PLEKHG2: variants seen among roughly 807,000 people sequenced by gnomAD.
The protein encoded by PLEKHG2 is pleckstrin homology and RhoGEF domain containing G2.
A neutral mutation model predicts 104.4 loss-of-function variants in PLEKHG2; 71 were observed. The ratio of observed to expected loss-of-function variants is 0.68; its 90% CI spans 0.56 to 0.83. PLEKHG2 has a LOEUF of 0.83. PLEKHG2 is among the 40% of genes least tolerant of loss of function. The pLI, the probability that PLEKHG2 is intolerant of heterozygous loss-of-function variation, is 0.00. For missense variants in PLEKHG2, 1,730 were observed against 1,809.4 expected (o/e 0.96, Z 0.80); for synonymous variants, 728 against 737.0 (o/e 0.99, Z 0.20).
At chr19:39,418,706 A>C in intron 9 of PLEKHG2, 28 bp from the exon 10 acceptor site, 1 of 1,586,942 alleles carries the variant, frequency 6.3e-7, no homozygotes. Flanking sequence ...AAGGACTCTG[A>C]GCTTGCTACC....
chr19:39,419,242 T>C (rs1162851454), intron 11 of PLEKHG2, among the ~76,000 whole-genome samples: 1 of 152,212 alleles, frequency 6.6e-6, no homozygotes. Flanking sequence ...TGAAAGCGCC[T>C]TCATCCTAGG....
Position 39,421,105 on chromosome 19 carries a change from C to T in PLEKHG2, c.1478C>T (p.Pro493Leu), listed in dbSNP as rs2078692985. 5.0e-6 allele frequency: 8 copies of T among 1,613,870 alleles called. No homozygotes were observed. The highest frequency in any genetic ancestry group is 2.2e-5 in the South Asian group (2 of 91,078). ...GTGAAGGACCCTTATGTCATGTTCC[C>T]ACAGAACGGTCAGTGACTGCCCCGG... ...EPVKDPYVMF[P>L]QNAKPGFKHA... is the part of the protein sequence containing the mutation. Residue 493 changes from proline to leucine, a missense_variant, in exon 15 of 19, where the codon CCA becomes CTA. Physicochemically the swap from Pro to Leu is moderately conservative, Grantham distance 98 (BLOSUM62 -3). Transcript: ENST00000425673.
In PLEKHG2 at chr19:39,422,885, C is replaced by G; in HGVS notation, c.1831C>G (p.Pro611Ala). Residue 611 changes from proline (P) to alanine (A), a missense_variant, in exon 18 of 19, where the codon CCA (proline) becomes GCA (alanine). Physicochemically the swap from Pro to Ala is conservative, Grantham distance 27. Coordinates refer to ENST00000425673, the MANE Select transcript of PLEKHG2 (RefSeq NM_022835.3). Reference protein sequence around the residue: ...GLEMDERGPSPLHVLEGLESS... With the variant: ...GLEMDERGPSALHVLEGLESS... ...GGAGATGGATGAACGGGGGCCTTCC[C>G]CACTCCACGTCCTGGAAGGGCTCGA... The G allele has an allele frequency of 1.3e-6, 2 of 1,589,950 alleles. No individual in the cohort carries two copies. The highest frequency in any genetic ancestry group is 1.7e-6 in the Non-Finnish European group (2 of 1,166,310).
chr19:39,415,303 G>C lies in PLEKHG2; in HGVS notation c.379-36G>C. The C allele has an allele frequency of 6.2e-7, 1 of 1,609,212 alleles. No homozygotes were observed. The highest frequency in any genetic ancestry group is 8.5e-7 in the Non-Finnish European group (1 of 1,177,472). ...CAGAGGGCAGTGGGTACCCAGGCCA[G>C]CCCCTTGGCCCCCATAACCCCAGTC... On this transcript the variant is annotated intron_variant, in intron 3 of 18. Transcript: ENST00000425673. This position sits in a 1 kb window ranked among gnomAD's most constrained non-coding sequence, Gnocchi z 4.6.
chr19:39,418,123 G>T lies in PLEKHG2; in HGVS notation c.1083+18G>T. 1 of 1,490,936 alleles carries T rather than the reference G, an allele frequency of 6.7e-7. No homozygotes were observed. Among genetic ancestry groups the T allele is most frequent in the South Asian group, 1.4e-5 (1 of 71,832 alleles). The allele number at this position is 1,490,936 out of a possible 1,614,324, so 92.4% of individuals were successfully genotyped here. On this transcript the variant is annotated intron_variant, in intron 9 of 18. Transcript: ENST00000425673. The stretch of plus-strand genomic sequence containing the variant: ...ACATCTTCGTGAGTTTGGGGATGGG[G>T]TGGGGCTAGAATACTACCTACAAAG...
At position 39,424,916 on chromosome 19, in the gene PLEKHG2, T is replaced by TC; in HGVS notation, c.3788dup (p.Pro1264ThrfsTer77). 1 of 1,613,972 alleles carries TC rather than the reference T, an allele frequency of 6.2e-7. No individual in the cohort carries two copies. Among genetic ancestry groups the TC allele is most frequent in the Non-Finnish European group, 8.5e-7 (1 of 1,179,962 alleles). ...CTTCAGACTTGACGCCACCTCATAG[T>TC]CCCCCACCTTCCAGCCGTCAGCTCC... On this transcript the variant is annotated frameshift_variant, in exon 19 of 19. Transcript: ENST00000425673. LOFTEE classifies it high-confidence loss of function.
In PLEKHG2 at chr19:39,418,628, T is replaced by C. The variant is rs536337789; in HGVS notation, c.1084-106T>C. The C allele has an allele frequency of 7.8e-5, 64 of 823,886 alleles. No homozygotes were observed. The South Asian group carries it at 1.0e-3, about 13-fold the overall frequency. The allele number at this position is 823,886 out of a possible 1,614,324, so 51.0% of individuals were successfully genotyped here. On this transcript the variant is annotated intron_variant, in intron 9 of 18. Coordinates refer to ENST00000425673, the MANE Select transcript of PLEKHG2 (RefSeq NM_022835.3). ...CCACCATACAGCCTTATGGGATGCATCTTCCTAGGGAGGAGGACCCAGATA... is the reference window on the plus strand; with the variant it reads ...CCACCATACAGCCTTATGGGATGCACCTTCCTAGGGAGGAGGACCCAGATA...
rs146632314 is a variant in PLEKHG2 at position 39,415,400 on chromosome 19, C to T, written c.440C>T (p.Thr147Met). 5.2e-4 allele frequency: 833 copies of T among 1,614,086 alleles called. 4 individuals are homozygous for T. In the East Asian group the frequency reaches 0.016, roughly 31 times the overall value. The change falls in exon 4 of 19, where the codon ACG (threonine) becomes ATG (methionine). Residue 147 changes from threonine to methionine, a missense_variant. Coordinates refer to ENST00000425673, the MANE Select transcript of PLEKHG2 (RefSeq NM_022835.3). This position sits in a 1 kb window ranked among gnomAD's most constrained non-coding sequence, Gnocchi z 4.6. ...VLGLSVEQVG[T>M]LFANIEDIYE... is the part of the protein sequence containing the mutation. ...GGGCTGAGCGTGGAGCAGGTGGGCA[C>T]GCTGTTTGCCAACATTGAGGACATC...
Position 39,416,200 on chromosome 19 carries a change from T to G in PLEKHG2, c.480-148T>G, listed in dbSNP as rs762249517. The G allele has an allele frequency of 1.3e-6, 1 of 770,582 alleles. No individual in the cohort carries two copies. Among genetic ancestry groups the G allele is most frequent in the Non-Finnish European group, 2.2e-6 (1 of 454,490 alleles). 47.7% of individuals were successfully genotyped at this position (770,582 alleles called of 1,614,324 possible). On this transcript the variant is annotated intron_variant, in intron 4 of 18. Coordinates refer to ENST00000425673, the MANE Select transcript of PLEKHG2 (RefSeq NM_022835.3). The surrounding 1 kb of genome is among the most constrained non-coding windows in gnomAD (Gnocchi z 4.5). ...GCCCCGTGTAGCCCTCAGAGGACCCTTCCTCCGGACATGACATCCCCTTAG... is the reference window on the plus strand; with the variant it reads ...GCCCCGTGTAGCCCTCAGAGGACCCGTCCTCCGGACATGACATCCCCTTAG...
intron 9 of PLEKHG2, 33 bp downstream of exon 9, chr19:39,418,138 T>G: frequency 6.8e-7 from 1 of 1,460,312 alleles, no homozygotes; most frequent in Non-Finnish European, 9.1e-7. Context: ...GCTAGAATAC[T>G]ACCTACAAAG....
Position 39,425,462 on chromosome 19 carries a change from A to G in PLEKHG2, c.*168A>G, listed in dbSNP as rs2078771064. On this transcript the variant is annotated 3_prime_UTR_variant, in exon 19 of 19. Transcript: ENST00000425673. ...GCCCTTCTTGCCTTGATCCACAGGG[A>G]TGGGGAAGGGAGGAATGTCATTAAT... is the stretch of plus-strand genomic sequence containing the variant. 2 of 1,042,574 alleles carry G rather than the reference A, an allele frequency of 1.9e-6. No homozygotes were observed. The highest frequency in any genetic ancestry group is 1.3e-6 in the Non-Finnish European group (1 of 792,160). The allele number at this position is 1,042,574 out of a possible 1,614,324, so 64.6% of individuals were successfully genotyped here.
Position 39,424,129 on chromosome 19 carries a change from C to T in PLEKHG2, c.2996C>T (p.Ala999Val). The change falls in exon 19 of 19, where the codon GCT becomes GTT. Residue 999 changes from alanine (A) to valine (V), a missense_variant. Coordinates refer to ENST00000425673, the MANE Select transcript of PLEKHG2 (RefSeq NM_022835.3). ...PEHRSHMVIPAPSTAFCPEQG... is the reference protein window; with the variant it reads ...PEHRSHMVIPVPSTAFCPEQG... Reference sequence around the variant, plus strand: ...CATAGAAGTCACATGGTTATACCAGCTCCATCCACCGCCTTTTGTCCTGAG... The same window carrying T: ...CATAGAAGTCACATGGTTATACCAGTTCCATCCACCGCCTTTTGTCCTGAG... 6.2e-7 allele frequency: 1 copy of T among 1,614,142 alleles called. No individual in the cohort carries two copies. The highest frequency in any genetic ancestry group is 1.1e-5 in the South Asian group (1 of 91,086).
Position 39,425,503 on chromosome 19 carries a change from A to AT in PLEKHG2, c.*211dup. ...TGTCATTAATGTTTTGTTAATACTG[A>AT]TTCTTTCATGCAATGATGTGTATTT... On this transcript the variant is annotated 3_prime_UTR_variant, in exon 19 of 19. Transcript: ENST00000425673. 1 of 759,194 alleles carries AT rather than the reference A, an allele frequency of 1.3e-6. No homozygotes were observed. Among genetic ancestry groups the AT allele is most frequent in the Non-Finnish European group, 1.9e-6 (1 of 518,712 alleles). 47.0% of individuals were successfully genotyped at this position (759,194 alleles called of 1,614,324 possible).
chr19:39,421,071 G>T lies in PLEKHG2; in HGVS notation c.1448-4G>T. 1 of 1,613,940 alleles carries T rather than the reference G, an allele frequency of 6.2e-7. No individual in the cohort carries two copies. Among genetic ancestry groups the T allele is most frequent in the Non-Finnish European group, 8.5e-7 (1 of 1,180,002 alleles). On this transcript the variant is annotated splice_polypyrimidine_tract_variant and splice_region_variant and intron_variant, in intron 14 of 18. Coordinates refer to ENST00000425673, the MANE Select transcript of PLEKHG2 (RefSeq NM_022835.3). Reference sequence around the variant, plus strand: ...CTCCTGACATCACTGTGTCCTCCCCGCAGAGCCGGTGAAGGACCCTTATGT... The same window carrying T: ...CTCCTGACATCACTGTGTCCTCCCCTCAGAGCCGGTGAAGGACCCTTATGT...
In PLEKHG2 at chr19:39,422,883, C is replaced by T; in HGVS notation, c.1829C>T (p.Ser610Phe). 1 of 1,588,866 alleles carries T rather than the reference C, an allele frequency of 6.3e-7. No homozygotes were observed. Among genetic ancestry groups the T allele is most frequent in the Non-Finnish European group, 8.6e-7 (1 of 1,165,778 alleles). ...EGLEMDERGPSPLHVLEGLES... is the reference protein window; with the variant it reads ...EGLEMDERGPFPLHVLEGLES... The stretch of plus-strand genomic sequence containing the variant: ...CTGGAGATGGATGAACGGGGGCCTT[C>T]CCCACTCCACGTCCTGGAAGGGCTC... The change falls in exon 18 of 19, where the codon TCC becomes TTC. Residue 610 changes from serine (S) to phenylalanine (F), a missense_variant. Transcript: ENST00000425673.
chr19:39,418,288 A>G (rs2078641271), intron 9 of PLEKHG2, among the ~76,000 whole-genome samples, 183 bp downstream of exon 9: 1 of 152,152 alleles, frequency 6.6e-6, no homozygotes, highest in South Asian at 2.1e-4. Flanking sequence ...TTAAGAAAAA[A>G]AAGGAGAAGG....
rs761169139 is a variant in PLEKHG2, at chr19:39,424,519, T to C, written c.3386T>C (p.Leu1129Pro). 6 of 1,613,984 alleles carry C rather than the reference T, an allele frequency of 3.7e-6. No individual in the cohort carries two copies. In the Admixed American group the frequency reaches 8.3e-5, roughly 22 times the overall value. The change falls in exon 19 of 19, where the codon CTG (leucine) becomes CCG (proline). Residue 1129 changes from leucine to proline, a missense_variant. Coordinates refer to ENST00000425673, the MANE Select transcript of PLEKHG2 (RefSeq NM_022835.3). Reference sequence around the variant, plus strand: ...CATCGGATCCCAGCCAACGCCCCACTGTCTTTGTCCCAGGAGCTCCCAGAC... The same window carrying C: ...CATCGGATCCCAGCCAACGCCCCACCGTCTTTGTCCCAGGAGCTCCCAGAC... ...LDHRIPANAP[L>P]SLSQELPDTQ...
In PLEKHG2 at chr19:39,418,074, G is replaced by C. The variant is rs750260870; in HGVS notation, c.1052G>C (p.Gly351Ala). The part of the protein sequence containing the change: ...SRMLLVAKRR[G>A]LEYTYKGHIF... ...ATGCTGCTGGTGGCCAAGCGCAGGG[G>C]GCTGGAGTACACCTACAAAGGCCAC... Residue 351 changes from glycine (G) to alanine (A), a missense_variant, in exon 9 of 19, where the codon GGG (glycine) becomes GCG (alanine). Coordinates refer to ENST00000425673, the MANE Select transcript of PLEKHG2 (RefSeq NM_022835.3). The C allele has an allele frequency of 6.5e-7, 1 of 1,531,710 alleles. No homozygotes were observed. The highest frequency in any genetic ancestry group is 1.3e-5 in the South Asian group (1 of 77,700). The allele number at this position is 1,531,710 out of a possible 1,614,324, so 94.9% of individuals were successfully genotyped here. A position where few individuals can be genotyped will look rare whatever the true frequency, so the allele number is the denominator to read the frequency against.
Position 39,423,535 on chromosome 19 carries a change from G to C in PLEKHG2, c.2481G>C (p.Arg827=). The C allele has an allele frequency of 6.4e-7, 1 of 1,557,008 alleles. No homozygotes were observed. Among genetic ancestry groups the C allele is most frequent in the East Asian group, 2.3e-5 (1 of 43,942 alleles). The change falls in exon 18 of 19, where the codon CGG becomes CGC. Residue 827 remains arginine, a synonymous_variant. Coordinates refer to ENST00000425673, the MANE Select transcript of PLEKHG2 (RefSeq NM_022835.3). ...VRELARLYSE[R]IQQMQRAETR... ...AGCTGGCCCGGCTTTACAGCGAGCG[G>C]ATCCAGCAGATGCAGCGGGCGGAGA...
Sources: gnomAD v4.1 joint callset for allele counts (sites outside exome capture counted in the v4.1 genomes callset) on GRCh38, gnomAD v4.1.1 for gene constraint, Gnocchi (gnomAD v3.1) non-coding constraint, MANE v1.5 for transcripts, NCBI Gene and HGNC (gene_info 2026-07-23, HGNC 2026-07-21) for gene names.